Variants in BAHCC1 observed in about 807,000 individuals in gnomAD.
BAHCC1 encodes the protein BAH domain and coiled-coil containing 1, also known as BAH and coiled-coil domain-containing protein 1.
Under a neutral mutation model 88.2 loss-of-function variants are expected in BAHCC1, and 43 were observed. The ratio of observed to expected loss-of-function variants is 0.49; its 90% CI spans 0.38 to 0.63. The LOEUF (loss-of-function observed/expected upper bound fraction) is 0.63. BAHCC1 is among the 20% of genes least tolerant of loss of function. BAHCC1 has a pLI of 0.00. For missense variants in BAHCC1, 3,023 were observed against 1,654.8 expected (o/e 1.83, Z -14.34); for synonymous variants, 1,510 against 745.5 (o/e 2.03, Z -16.71).
chr17:81,445,033 C>T lies in BAHCC1; in HGVS notation c.2690C>T (p.Ala897Val), dbSNP rs782440771. ...CCCACAGCGGATGTCATGGACCAGG[C>T]GTCACTGTGGCCCCCCATGTACGGG... ...PHALADVMDQASLWPPMYGGR... is the reference protein window; with the variant it reads ...PHALADVMDQVSLWPPMYGGR... Residue 897 changes from alanine to valine, a missense_variant, in exon 9 of 28, where the codon GCG (alanine) becomes GTG (valine). Ala to Val is a moderately conservative substitution (Grantham distance 64, BLOSUM62 0). Coordinates refer to ENST00000675386, the MANE Select transcript of BAHCC1 (RefSeq NM_001377448.1). 5.2e-6 allele frequency: 4 copies of T among 764,310 alleles called. No homozygotes were observed. The highest frequency in any genetic ancestry group is 2.8e-5 in the South Asian group (2 of 72,348). 47.3% of individuals were successfully genotyped at this position (764,310 alleles called of 1,614,324 possible). A position where few individuals can be genotyped will look rare whatever the true frequency, so the allele number is the denominator to read the frequency against.
In BAHCC1 at chr17:81,460,877, C is replaced by T. The variant is rs1555659019; in HGVS notation, c.6214C>T (p.Leu2072Phe). 1 of 766,646 alleles carries T rather than the reference C, an allele frequency of 1.3e-6. No homozygotes were observed. The highest frequency in any genetic ancestry group is 2.4e-6 in the Non-Finnish European group (1 of 417,902). 47.5% of individuals were successfully genotyped at this position (766,646 alleles called of 1,614,324 possible). Residue 2072 changes from leucine to phenylalanine, a missense_variant, in exon 26 of 28, where the codon CTC (leucine) becomes TTC (phenylalanine). Coordinates refer to ENST00000675386, the MANE Select transcript of BAHCC1 (RefSeq NM_001377448.1). Reference protein sequence around the residue: ...ISKDKAGKAELLTSGAKSPTG... With the variant: ...ISKDKAGKAEFLTSGAKSPTG... The stretch of plus-strand genomic sequence containing the variant: ...GCTTTTGCCCTCAGGTAAAGCCGAA[C>T]TCCTAACCTCAGGTGCCAAATCCCC...
rs1430030253 is a variant in BAHCC1 at position 81,463,784 on chromosome 17, G to T, written c.7794G>T (p.Leu2598=). The T allele has an allele frequency of 1.3e-6, 1 of 757,260 alleles. No homozygotes were observed. Among genetic ancestry groups the T allele is most frequent in the Admixed American group, 1.8e-5 (1 of 56,508 alleles). The allele number at this position is 757,260 out of a possible 1,614,324, so 46.9% of individuals were successfully genotyped here. The change falls in exon 28 of 28, where the codon CTG becomes CTT. Residue 2598 remains leucine, a synonymous_variant. Transcript: ENST00000675386. The part of the protein sequence containing the change: ...AGTYDPTTGR[L]VTADGVPILC ...CCTACGACCCCACCACCGGGCGCCT[G>T]GTGACGGCTGATGGCGTGCCCATCC...
At chr17:81,418,644 A>T (rs2064066049) in intron 2 of BAHCC1, among the ~76,000 whole-genome samples, 1 of 152,144 alleles carries the variant, frequency 6.6e-6, no homozygotes, top group Non-Finnish European at 1.5e-5. Flanking sequence ...TAAGTGGATA[A>T]GTCTGGTGGA....
In BAHCC1 at chr17:81,458,795, G is replaced by C. The variant is rs1568035523; in HGVS notation, c.5449-18G>C. 1 of 762,214 alleles carries C rather than the reference G, an allele frequency of 1.3e-6. No homozygotes were observed. The highest frequency in any genetic ancestry group is 2.5e-5 in the East Asian group (1 of 40,732). 47.2% of individuals were successfully genotyped at this position (762,214 alleles called of 1,614,324 possible). ...CCCCGCCTGCACCCCACCCAAGCCT[G>C]ACTCCTCTGGCCCCCAGGGCAAGGG... On this transcript the variant is annotated intron_variant, in intron 19 of 27. Coordinates refer to ENST00000675386, the MANE Select transcript of BAHCC1 (RefSeq NM_001377448.1).
At chr17:81,453,191 C>T (rs1196017057) in intron 14 of BAHCC1, among the ~76,000 whole-genome samples, 2 of 152,224 alleles carry the variant, frequency 1.3e-5, no homozygotes, top group Non-Finnish European at 2.9e-5. Context: ...GTGTTGCGTG[C>T]AGGCCTCTTT....
intron 2 of BAHCC1, among the ~76,000 whole-genome samples, chr17:81,404,201 T>TA (rs1230169274): frequency 6.6e-6 from 1 of 151,876 alleles, no homozygotes; most frequent in African/African-American, 2.4e-5. Flanking sequence ...GAAACACACA[T>TA]AAAAAAGCCA....
rs1326943054 is a variant in BAHCC1, at chr17:81,442,972, G to T, written c.1623G>T (p.Val541=). The T allele has an allele frequency of 1.3e-6, 1 of 779,026 alleles. No individual in the cohort carries two copies. The highest frequency in any genetic ancestry group is 2.4e-6 in the Non-Finnish European group (1 of 417,886). 48.3% of individuals were successfully genotyped at this position (779,026 alleles called of 1,614,324 possible). The part of the protein sequence containing the change: ...APAGPPGAQK[V]ARIRHQQHLM... ...CCGGCCCCCCAGGGGCACAGAAGGT[G>T]GCCCGCATCAGGCACCAGCAGCACT... Residue 541 remains valine, a synonymous_variant, in exon 5 of 28, where the codon GTG becomes GTT. Coordinates refer to ENST00000675386, the MANE Select transcript of BAHCC1 (RefSeq NM_001377448.1).
At chr17:81,431,230 G>A (rs978801177) in intron 3 of BAHCC1, among the ~76,000 whole-genome samples, 185 of 152,092 alleles carry the variant, frequency 1.2e-3, no homozygotes, top group African/African-American at 4.2e-3. Flanking sequence ...CCATACCCTC[G>A]GCCCCTCACC....
rs1323128946 is a variant in BAHCC1 at position 81,405,590 on chromosome 17, C to T, written c.178+5673C>T. Among the ~76,000 whole-genome samples the T allele has an allele frequency of 3.9e-5, 6 of 152,238 alleles. No individual in the cohort carries two copies. The East Asian group carries it at 9.6e-4, about 24-fold the overall frequency. ...CTGATCTAGCTCCAGGGTCTGAGCC[C>T]GAGACTGTCCATGTCCCTGGGCTGG... On this transcript the variant is annotated intron_variant, in intron 2 of 27. Coordinates refer to ENST00000675386, the MANE Select transcript of BAHCC1 (RefSeq NM_001377448.1).
chr17:81,407,931 G>T (rs1440796592), intron 2 of BAHCC1, among the ~76,000 whole-genome samples: 1 of 152,194 alleles, frequency 6.6e-6, no homozygotes, highest in Non-Finnish European at 1.5e-5. Context: ...TTAGTGACTG[G>T]CACGGGCACC....
intron 2 of BAHCC1, among the ~76,000 whole-genome samples, chr17:81,400,160 C>T (rs2063796132): frequency 6.6e-6 from 1 of 151,996 alleles, no homozygotes; most frequent in African/African-American, 2.4e-5. Flanking sequence ...GCCCCGGAGC[C>T]GGCTGAAATT....
At chr17:81,414,232 G>A (rs76294303) in intron 2 of BAHCC1, among the ~76,000 whole-genome samples, 4,633 of 152,352 alleles carry the variant, frequency 0.03, 256 homozygotes, top group African/African-American at 0.1. Flanking sequence ...CAGGGGCAAC[G>A]GTGTGGGGGC....
chr17:81,447,210 G>A lies in BAHCC1; in HGVS notation c.3338G>A (p.Ser1113Asn), dbSNP rs145203731. 2.7e-6 allele frequency: 2 copies of A among 753,434 alleles called. No individual in the cohort carries two copies. The highest frequency in any genetic ancestry group is 1.8e-5 in the Admixed American group (1 of 55,250). The allele number at this position is 753,434 out of a possible 1,614,324, so 46.7% of individuals were successfully genotyped here. ...GAGCCGCCTCCCTGCAGCCCCAGGA[G>A]CCTGGAGGAGCCCGGGCTGCTCTCA... Reference protein sequence around the residue: ...PGEPPPCSPRSLEEPGLLSGA... With the variant: ...PGEPPPCSPRNLEEPGLLSGA... The change falls in exon 11 of 28, where the codon AGC (serine) becomes AAC (asparagine). Residue 1113 changes from serine to asparagine, a missense_variant. By Grantham distance (46) the Ser-to-Asn change is conservative. Transcript: ENST00000675386.
intron 2 of BAHCC1, among the ~76,000 whole-genome samples, chr17:81,419,390 C>A (rs1192886572): frequency 6.6e-6 from 1 of 152,264 alleles, no homozygotes; most frequent in Non-Finnish European, 1.5e-5. Flanking sequence ...CGCGCTTTCC[C>A]GGAATGAGGA....
chr17:81,455,597 C>T (rs1475824674), intron 15 of BAHCC1, among the ~76,000 whole-genome samples: 2 of 152,168 alleles, frequency 1.3e-5, no homozygotes, highest in East Asian at 1.9e-4. Flanking sequence ...GTGGCCCTGC[C>T]GCCACTTGCC....
intron 4 of BAHCC1, among the ~76,000 whole-genome samples, chr17:81,439,157 C>T (rs1192928733): frequency 1.3e-5 from 2 of 152,094 alleles, no homozygotes; most frequent in East Asian, 1.9e-4. Context: ...CTCAGGGTAC[C>T]GGAGAGGGCC....
intron 6 of BAHCC1, 171 bp from the exon 7 acceptor site, chr17:81,444,210 C>T (rs1417828225): frequency 3.3e-6 from 2 of 609,714 alleles, no homozygotes; most frequent in Non-Finnish European, 5.8e-6. Flanking sequence ...CCTGAGCCTC[C>T]AGGTCCCGTT....
chr17:81,453,543 G>A (rs782355729), intron 14 of BAHCC1, among the ~76,000 whole-genome samples: 4 of 152,246 alleles, frequency 2.6e-5, no homozygotes, highest in Non-Finnish European at 4.4e-5. Context: ...AGAAGGTTAC[G>A]GGGAGGGGCT....
At chr17:81,444,923 G>T in intron 8 of BAHCC1, 92 bp from the exon 9 acceptor site, 1 of 685,692 alleles carries the variant, frequency 1.5e-6, no homozygotes. Context: ...GGGAGCGGTG[G>T]GCTTGGTGGG....
Sources: allele counts gnomAD v4.1 joint callset (sites outside exome capture counted in the v4.1 genomes callset), GRCh38; gene constraint gnomAD v4.1.1; transcripts MANE v1.5; gene names NCBI Gene and HGNC (gene_info 2026-07-23, HGNC 2026-07-21).